The following ACER1 variants were observed in gnomAD, a reference collection of about 807,000 sequenced individuals.
The protein encoded by ACER1 is alkaline ceramidase 1, also known as CTB-180A7.3.
ACER1 carries 28 observed loss-of-function variants against 24.9 expected under a neutral mutation model. The observed-to-expected ratio is 1.13, with a 90% CI of 0.83 to 1.54. The LOEUF is 1.54. Among genes scored for constraint, ACER1 ranks in the 40% most tolerant of loss-of-function variants. The pLI, the probability that ACER1 is intolerant of heterozygous loss-of-function variation, is 0.00. For synonymous variants in ACER1, 132 were observed against 131.4 expected (o/e 1.00, Z -0.03); for missense variants, 352 against 349.3 (o/e 1.01, Z -0.06).
the ACER1 span, among the ~76,000 whole-genome samples, chr19:6,348,484 A>AG: frequency 8.6e-5 from 13 of 150,730 alleles, no homozygotes; most frequent in African/African-American, 3.2e-4. Flanking sequence ...AAAAAAAAAA[A>AG]GAAGATTAAA....
the ACER1 span, among the ~76,000 whole-genome samples, chr19:6,345,983 C>T: frequency 3.9e-5 from 6 of 151,994 alleles, no homozygotes; most frequent in Non-Finnish European, 8.8e-5. Context: ...CCACCTCAGC[C>T]TCCCAAGCTG....
chr19:6,329,873 T>C (rs1012366021), intron 1 of ACER1, among the ~76,000 whole-genome samples: 3 of 151,070 alleles, frequency 2.0e-5, no homozygotes, highest in African/African-American at 7.3e-5. Flanking sequence ...TTTTAATTTT[T>C]AATTTTTTTT....
At chr19:6,345,565 CTTTTT>C in the ACER1 span, among the ~76,000 whole-genome samples, 1 of 130,374 alleles carries the variant, frequency 7.7e-6, no homozygotes, top group African/African-American at 3.0e-5. Context: ...GTATTAGATT[CTTTTT>C]TTTTTTTTTT....
In ACER1 at chr19:6,306,618, C is replaced by G; in HGVS notation, c.*96G>C. ...CGGAAGGGGAAACAGAGGAAGGAAC[C>G]ACGAGTGTCCCGCAGGTGCAAGTCC... On this transcript the variant is annotated 3_prime_UTR_variant, in exon 6 of 6. Transcript: ENST00000301452. 7.0e-7 allele frequency: 1 copy of G among 1,429,006 alleles called. No individual in the cohort carries two copies. The highest frequency in any genetic ancestry group is 9.5e-7 in the Non-Finnish European group (1 of 1,054,072). The allele number at this position is 1,429,006 out of a possible 1,614,324, so 88.5% of individuals were successfully genotyped here. A position where few individuals can be genotyped will look rare whatever the true frequency, so the allele number is the denominator to read the frequency against.
At chr19:6,310,275 G>C (rs975056633) in intron 3 of ACER1, among the ~76,000 whole-genome samples, 2 of 147,872 alleles carry the variant, frequency 1.4e-5, no homozygotes, top group African/African-American at 5.3e-5. Context: ...TTTTACTAGA[G>C]ACGGGGTTTC....
At chr19:6,333,948 T>C (rs1040468904), upstream of ACER1, among the ~76,000 whole-genome samples, 1 of 152,044 alleles carries the variant, frequency 6.6e-6, no homozygotes, top group African/African-American at 2.4e-5. Flanking sequence ...GGCATCATCA[T>C]AGCTCACCGC....
chr19:6,327,813 G>A (rs957786876), intron 1 of ACER1, among the ~76,000 whole-genome samples: 8 of 151,224 alleles, frequency 5.3e-5, no homozygotes, highest in African/African-American at 1.9e-4. Flanking sequence ...ACGGTGGCTT[G>A]TGCCTGTAAT....
At chr19:6,310,064 C>A (rs2091570501) in intron 3 of ACER1, among the ~76,000 whole-genome samples, 1 of 151,396 alleles carries the variant, frequency 6.6e-6, no homozygotes, top group Non-Finnish European at 1.5e-5. Flanking sequence ...GAGTTTGAGA[C>A]CAGCCTGGTC....
chr19:6,330,516 G>C (rs2091682114), intron 1 of ACER1, among the ~76,000 whole-genome samples: 1 of 149,912 alleles, frequency 6.7e-6, no homozygotes, highest in Non-Finnish European at 1.5e-5. Flanking sequence ...TTGCTATGTT[G>C]CTTAGGCTGG....
At chr19:6,347,132 A>ATATATATATATATATATG in the ACER1 span, among the ~76,000 whole-genome samples, 34 of 118,122 alleles carry the variant, frequency 2.9e-4, no homozygotes, top group African/African-American at 1.1e-3. Flanking sequence ...ATATATATAT[A>ATATATATATATATATATG]AAATAATAAT....
chr19:6,319,390 C>A (rs912603176), intron 1 of ACER1, among the ~76,000 whole-genome samples: 1 of 152,164 alleles, frequency 6.6e-6, no homozygotes, highest in Admixed American at 6.5e-5. Context: ...GCGGGGGAGA[C>A]ACCTGTCTGG....
At chr19:6,308,200 C>T (rs1251404590) in intron 4 of ACER1, among the ~76,000 whole-genome samples, 6 of 151,850 alleles carry the variant, frequency 4.0e-5, no homozygotes, top group Admixed American at 3.3e-4. Context: ...TTTGGGAGGC[C>T]GAGGCGGGCA....
Position 6,306,831 on chromosome 19 carries a change from C to G in ACER1, c.678G>C (p.Leu226Phe). 2 of 1,614,194 alleles carry G rather than the reference C, an allele frequency of 1.2e-6. No individual in the cohort carries two copies. The highest frequency in any genetic ancestry group is 1.7e-6 in the Non-Finnish European group (2 of 1,180,030). The change falls in exon 6 of 6, where the codon TTG (leucine) becomes TTC (phenylalanine). Residue 226 changes from leucine (L) to phenylalanine (F), a missense_variant. Leu to Phe is a conservative substitution (Grantham distance 22). Coordinates refer to ENST00000301452, the MANE Select transcript of ACER1 (RefSeq NM_133492.3). The stretch of plus-strand genomic sequence containing the variant: ...CTGGCATCTCATAGTTGGCATCCAC[C>G]AAGGCCATGGTGACCATGCCATAAG... The part of the protein sequence containing the change: ...TFPYGMVTMA[L>F]VDANYEMPGE...
At chr19:6,338,108 T>C (rs1290374786), upstream of ACER1, among the ~76,000 whole-genome samples, 1 of 147,982 alleles carries the variant, frequency 6.8e-6, no homozygotes, top group Non-Finnish European at 1.5e-5. Context: ...TTAAATAAAA[T>C]AAAAATAAAA....
At chr19:6,358,578 G>C in the ACER1 span, among the ~76,000 whole-genome samples, 7 of 149,610 alleles carry the variant, frequency 4.7e-5, no homozygotes, top group East Asian at 3.9e-4. Flanking sequence ...AGTGAGCCGA[G>C]ACCGCACCAC....
upstream of ACER1, among the ~76,000 whole-genome samples, chr19:6,334,733 G>C (rs934340020): frequency 6.6e-6 from 1 of 152,140 alleles, no homozygotes; most frequent in Non-Finnish European, 1.5e-5. Flanking sequence ...ATATGGAGAC[G>C]ATGGTGACAG....
At chr19:6,354,542 A>G in the ACER1 span, among the ~76,000 whole-genome samples, 2 of 152,230 alleles carry the variant, frequency 1.3e-5, no homozygotes, top group African/African-American at 4.8e-5. Context: ...TGCTCAAATA[A>G]TAAGTTTCAT....
upstream of ACER1, among the ~76,000 whole-genome samples, chr19:6,335,278 G>A (rs1189260414): frequency 3.6e-5 from 5 of 138,472 alleles, no homozygotes; most frequent in Non-Finnish European, 7.6e-5. Flanking sequence ...AGGCTGGAGT[G>A]CAGTGGCATG....
chr19:6,343,616 C>T, the ACER1 span: 2 of 152,778 alleles, frequency 1.3e-5, no homozygotes, highest in Admixed American at 6.5e-5. Context: ...CAACATGTGG[C>T]CTCCACTAAC....
Sources: gnomAD v4.1 joint callset for allele counts (sites outside exome capture counted in the v4.1 genomes callset) on GRCh38, gnomAD v4.1.1 for gene constraint, MANE v1.5 for transcripts, NCBI Gene and HGNC (gene_info 2026-07-23, HGNC 2026-07-21) for gene names.